Variants in ENTPD5 observed in about 807,000 individuals in gnomAD.
ENTPD5 encodes the protein nucleoside diphosphate phosphatase ENTPD5.
A neutral mutation model predicts 60.2 loss-of-function variants in ENTPD5; 49 were observed. The ratio of observed to expected loss-of-function variants is 0.81; its 90% confidence interval spans 0.65 to 1.03. The LOEUF (loss-of-function observed/expected upper bound fraction) is 1.03, where lower values mean the gene tolerates loss of function less well. ENTPD5 is among the 50% of genes least tolerant of loss of function. The probability of loss-of-function intolerance (pLI) is 0.00; values close to 1 mark genes in which losing one functional copy is unlikely to be tolerated. For synonymous variants in ENTPD5, 187 were observed against 185.4 expected, an observed-to-expected ratio of 1.01 and a Z score of -0.07; for missense variants, 480 against 507.6, an observed-to-expected ratio of 0.95 and a Z score of 0.52.
chr14:73,996,190 A>G (rs765343922), intron 3 of ENTPD5: 9 of 985,260 alleles, frequency 9.1e-6, no homozygotes, highest in Non-Finnish European at 1.1e-5. Flanking sequence ...AGCTCTTCTT[A>G]ATCAAGCGAG....
In ENTPD5 at chr14:73,972,913, T is replaced by C; in HGVS notation, c.998A>G (p.Tyr333Cys). The C allele has an allele frequency of 1.2e-6, 2 of 1,614,112 alleles. No homozygotes were observed. The highest frequency in any genetic ancestry group is 8.5e-7 in the Non-Finnish European group (1 of 1,179,988). Residue 333 changes from tyrosine (Y) to cysteine (C), a missense_variant, in exon 13 of 16, where the codon TAT becomes TGT. Coordinates refer to ENST00000334696, the MANE Select transcript of ENTPD5 (RefSeq NM_001249.5). Reference sequence around the variant, plus strand: ...CATGTCTGTGTCAACAGCTCGGTCATAATAGTAAGAGAAAGCATAGAAGGA... The same window carrying C: ...CATGTCTGTGTCAACAGCTCGGTCACAATAGTAAGAGAAAGCATAGAAGGA... ...RGSFYAFSYY[Y>C]DRAVDTDMID...
In ENTPD5 at chr14:73,975,033, T is replaced by C. The variant is rs758312096; in HGVS notation, c.723-48A>G. The C allele has an allele frequency of 3.5e-6, 5 of 1,410,830 alleles. No individual in the cohort carries two copies. The East Asian group carries it at 6.8e-5, about 19-fold the overall frequency. 87.4% of individuals were successfully genotyped at this position (1,410,830 alleles called of 1,614,324 possible). A position where few individuals can be genotyped will look rare whatever the true frequency, so the allele number is the denominator to read the frequency against. On this transcript the variant is annotated intron_variant, in intron 10 of 15. Coordinates refer to ENST00000334696, the MANE Select transcript of ENTPD5 (RefSeq NM_001249.5). ...ATTTCATGCTGGTCCTGAAGTTCTC[T>C]AGCCTAAAGCTACCTCTTTCAAAAG...
intron 11 of ENTPD5, among the ~76,000 whole-genome samples, chr14:73,974,227 G>T (rs981869666): frequency 6.6e-6 from 1 of 152,120 alleles, no homozygotes; most frequent in Non-Finnish European, 1.5e-5. Flanking sequence ...TGTCAGAGGG[G>T]TCCATGGCTT....
rs1196106749 is a variant in ENTPD5 at position 73,964,267 on chromosome 14, AAT to A, written c.*2659_*2660del. ...ACCAGGCCATGTCCTAAGTATTTTA[AAT>A]ATGTTAACACATCTACAAAGAGGAA... On this transcript the variant is annotated 3_prime_UTR_variant, in exon 16 of 16. Transcript: ENST00000334696. 6.6e-6 allele frequency: 1 copy of A among 152,222 alleles called. No individual in the cohort carries two copies. Among genetic ancestry groups the A allele is most frequent in the Non-Finnish European group, 1.5e-5 (1 of 68,048 alleles). The allele number at this position is 152,222 out of a possible 1,614,324, so 9.4% of individuals were successfully genotyped here.
Position 74,007,314 on chromosome 14 carries a change from A to G in ENTPD5, c.-71+3777T>C, listed in dbSNP as rs563596341. ...AGGAGGGCGGATCACGAGGTCAGGA[A>G]ATCAAGACCATCCTGGCTAACACGG... is the stretch of plus-strand genomic sequence containing the variant. On this transcript the variant is annotated intron_variant, in intron 3 of 15. Transcript: ENST00000334696. Among the ~76,000 whole-genome samples, 315 of 152,204 alleles carry G rather than the reference A, an allele frequency of 2.1e-3. 1 individual carries two copies. Among genetic ancestry groups the G allele is most frequent in the African/African-American group, 6.1e-3 (252 of 41,544 alleles).
At chr14:73,986,963 G>A (rs1207809980) in intron 4 of ENTPD5, 70 bp from the exon 5 acceptor site, 2 of 1,148,050 alleles carry the variant, frequency 1.7e-6, no homozygotes, top group African/African-American at 1.5e-5. Flanking sequence ...CAGATGCTGG[G>A]CTCTGTCTCT....
downstream of ENTPD5, chr14:73,958,519 G>A: frequency 7.4e-7 from 1 of 1,344,350 alleles, no homozygotes; most frequent in South Asian, 1.5e-5. Flanking sequence ...TCACAGGACA[G>A]GCACCAGAGT....
chr14:74,015,336 A>G (rs17093884), intron 2 of ENTPD5, among the ~76,000 whole-genome samples: 12,144 of 146,234 alleles, frequency 0.083, 675 homozygotes, highest in South Asian at 0.24. Flanking sequence ...AGAAGAAAAA[A>G]GCAGAAGTAC....
chr14:74,017,175 G>A (rs766673430), intron 1 of ENTPD5, among the ~76,000 whole-genome samples: 3 of 152,056 alleles, frequency 2.0e-5, no homozygotes, highest in Non-Finnish European at 2.9e-5. Context: ...AAAAGTAGCC[G>A]GGCATGGTGG....
downstream of ENTPD5, chr14:73,955,659 A>T: frequency 7.1e-7 from 1 of 1,399,102 alleles, no homozygotes; most frequent in Non-Finnish European, 1.0e-6. Context: ...TTCCCAGGAG[A>T]ATTTTCTTCT....
chr14:73,988,340 T>C (rs778728035), intron 3 of ENTPD5, among the ~76,000 whole-genome samples, 168 bp from the exon 4 acceptor site: 22 of 152,182 alleles, frequency 1.4e-4, no homozygotes, highest in Middle Eastern at 3.2e-3. Context: ...CCGAAGGGTA[T>C]CTAGTTCCAA....
At chr14:74,001,267 C>T (rs1188792472) in intron 3 of ENTPD5, among the ~76,000 whole-genome samples, 1 of 152,038 alleles carries the variant, frequency 6.6e-6, no homozygotes, top group African/African-American at 2.4e-5. Flanking sequence ...CTTTGGGAGG[C>T]CAAGGCAAGC....
intron 6 of ENTPD5, among the ~76,000 whole-genome samples, chr14:73,979,030 T>C (rs1421018719): frequency 6.6e-6 from 1 of 152,142 alleles, no homozygotes; most frequent in Non-Finnish European, 1.5e-5. Context: ...CTCATATCGC[T>C]CTTTCCTCTC....
At chr14:73,957,789 C>G (rs2056512218), downstream of ENTPD5, among the ~76,000 whole-genome samples, 1 of 152,084 alleles carries the variant, frequency 6.6e-6, no homozygotes, top group African/African-American at 2.4e-5. Flanking sequence ...GGAAGAAAAT[C>G]TTTTGTAGTC....
intron 3 of ENTPD5, chr14:73,996,238 C>G: frequency 1.0e-6 from 1 of 979,668 alleles, no homozygotes; most frequent in Non-Finnish European, 1.2e-6. Context: ...CAGTTTGCAA[C>G]TAACAGTGTG....
chr14:73,963,286 T>C lies in ENTPD5; in HGVS notation c.*3642A>G, dbSNP rs2140433091. 4.0e-6 allele frequency: 2 copies of C among 505,330 alleles called. No homozygotes were observed. Among genetic ancestry groups the C allele is most frequent in the South Asian group, 3.5e-5 (1 of 28,340 alleles). 31.3% of individuals were successfully genotyped at this position (505,330 alleles called of 1,614,324 possible). On this transcript the variant is annotated 3_prime_UTR_variant, in exon 16 of 16. Coordinates refer to ENST00000334696, the MANE Select transcript of ENTPD5 (RefSeq NM_001249.5). ...AACCCACAAGGTGCTGTCTCACTCA[T>C]TTCCAGTTAATCATTTCTAAAGAGA... is the stretch of plus-strand genomic sequence containing the variant.
At chr14:73,958,495 C>G, downstream of ENTPD5, 1 of 1,381,640 alleles carries the variant, frequency 7.2e-7, no homozygotes, top group Non-Finnish European at 9.4e-7. Flanking sequence ...TGTGAAATAA[C>G]AGATAGCTGG....
rs2056963285 is a variant in ENTPD5, at chr14:73,966,165, AATATAC to A, written c.*757_*762del. 1 of 152,248 alleles carries A rather than the reference AATATAC, an allele frequency of 6.6e-6. No homozygotes were observed. Among genetic ancestry groups the A allele is most frequent in the Non-Finnish European group, 1.5e-5 (1 of 68,050 alleles). 9.4% of individuals were successfully genotyped at this position (152,248 alleles called of 1,614,324 possible). ...AGCCTGGGAGGTGGTACTGGCACTG[AATATAC>A]ACATACCCATAAAGTCGGATATGTT... On this transcript the variant is annotated 3_prime_UTR_variant, in exon 16 of 16. Transcript: ENST00000334696.
At chr14:73,979,980 CTT>C (rs1472550906) in intron 6 of ENTPD5, among the ~76,000 whole-genome samples, 1 of 132,024 alleles carries the variant, frequency 7.6e-6, no homozygotes, top group East Asian at 2.5e-4. Context: ...GAGTTTCACT[CTT>C]GTCACCCAGG....
Sources: gnomAD v4.1 joint callset for allele counts (sites outside exome capture counted in the v4.1 genomes callset) on GRCh38, gnomAD v4.1.1 for gene constraint, MANE v1.5 for transcripts, NCBI Gene and HGNC (gene_info 2026-07-23, HGNC 2026-07-21) for gene names.